Variants in SEC24B observed in about 807,000 individuals in gnomAD.
SEC24B encodes the protein protein transport protein Sec24B.
Under a neutral mutation model 142.8 loss-of-function variants are expected in SEC24B, and 45 were observed. That is an observed-to-expected ratio of 0.32 (90% confidence interval 0.25 to 0.40). SEC24B has a LOEUF of 0.40. SEC24B is among the 10% of genes least tolerant of loss of function. The pLI is 1.00. For missense variants in SEC24B, 1,409 were observed against 1,526.8 expected, an observed-to-expected ratio of 0.92 and a Z score of 1.29; for synonymous variants, 574 against 568.2, an observed-to-expected ratio of 1.01 and a Z score of -0.15.
chr4:109,460,613 A>G (rs1731151616), intron 1 of SEC24B, among the ~76,000 whole-genome samples: 1 of 152,020 alleles, frequency 6.6e-6, no homozygotes, highest in African/African-American at 2.4e-5. Flanking sequence ...CGGCCCATTT[A>G]GTTCCTAAGC....
chr4:109,443,906 G>A (rs555018416), intron 1 of SEC24B, among the ~76,000 whole-genome samples: 5 of 152,266 alleles, frequency 3.3e-5, no homozygotes, highest in Non-Finnish European at 7.4e-5. Flanking sequence ...CAGTGCAGGG[G>A]TACAAGGGAG....
chr4:109,537,756 T>A (rs1002396929), intron 22 of SEC24B, among the ~76,000 whole-genome samples: 8 of 152,194 alleles, frequency 5.3e-5, no homozygotes, highest in African/African-American at 1.7e-4. Flanking sequence ...TAGTAATAAT[T>A]TAGAAAACAT....
At chr4:109,518,952 G>A (rs950267080) in intron 11 of SEC24B, among the ~76,000 whole-genome samples, 5 of 151,920 alleles carry the variant, frequency 3.3e-5, no homozygotes, top group South Asian at 2.1e-4. Flanking sequence ...GACTACAAGC[G>A]CACACCATCA....
chr4:109,465,819 T>C (rs1731797523), intron 2 of SEC24B, among the ~76,000 whole-genome samples: 1 of 152,192 alleles, frequency 6.6e-6, no homozygotes, highest in African/African-American at 2.4e-5. Flanking sequence ...TATTCTCTGT[T>C]TGAGTAACTG....
At chr4:109,500,476 A>G (rs543791615) in intron 6 of SEC24B, among the ~76,000 whole-genome samples, 5 of 150,574 alleles carry the variant, frequency 3.3e-5, no homozygotes, top group South Asian at 4.3e-4. Context: ...CCCAGGAGGC[A>G]GAGGTTGCAG....
intron 1 of SEC24B, among the ~76,000 whole-genome samples, chr4:109,441,259 C>T (rs1728902234): frequency 6.6e-6 from 1 of 152,170 alleles, no homozygotes; most frequent in Non-Finnish European, 1.5e-5. Context: ...GGCTTCTTTG[C>T]TCCTTACCAA....
At chr4:109,474,729 T>C (rs1030900763) in intron 3 of SEC24B, among the ~76,000 whole-genome samples, 1 of 152,168 alleles carries the variant, frequency 6.6e-6, no homozygotes, top group African/African-American at 2.4e-5. Flanking sequence ...CCAGCCCCTA[T>C]CATATTTTCT....
At chr4:109,456,871 G>C (rs963048086) in intron 1 of SEC24B, among the ~76,000 whole-genome samples, 2 of 152,186 alleles carry the variant, frequency 1.3e-5, no homozygotes, top group Non-Finnish European at 2.9e-5. Flanking sequence ...TTATACTTCA[G>C]TGTGCAATAA....
chr4:109,461,694 A>G (rs111433603), intron 1 of SEC24B, among the ~76,000 whole-genome samples: 72 of 152,376 alleles, frequency 4.7e-4, no homozygotes, highest in African/African-American at 1.7e-3. Flanking sequence ...AACTGTAACT[A>G]TATCTGGGAA....
At chr4:109,529,162 C>T (rs1319633615) in intron 18 of SEC24B, among the ~76,000 whole-genome samples, 2 of 150,960 alleles carry the variant, frequency 1.3e-5, no homozygotes, top group African/African-American at 4.9e-5. Flanking sequence ...GACTCTGTCT[C>T]GGGGGTGGGG....
chr4:109,486,228 A>G (rs939365355), intron 4 of SEC24B, among the ~76,000 whole-genome samples: 1 of 152,230 alleles, frequency 6.6e-6, no homozygotes, highest in African/African-American at 2.4e-5. Flanking sequence ...CAGAGATGTC[A>G]GGTGTCCATT....
chr4:109,465,447 C>T (rs1013665564), intron 2 of SEC24B, among the ~76,000 whole-genome samples: 1 of 150,672 alleles, frequency 6.6e-6, no homozygotes, highest in Non-Finnish European at 1.5e-5. Context: ...AGTTGAATTG[C>T]CTGTGGTCAT....
chr4:109,531,823 A>G (rs1724960203), intron 20 of SEC24B, among the ~76,000 whole-genome samples: 2 of 152,102 alleles, frequency 1.3e-5, no homozygotes, highest in South Asian at 4.1e-4. Context: ...TTCCATTTAT[A>G]TTTTGTAGAT....
rs1384525702 is a variant in SEC24B at position 109,539,733 on chromosome 4, A to G, written c.*58A>G. On this transcript the variant is annotated 3_prime_UTR_variant, in exon 24 of 24. Coordinates refer to ENST00000265175, the MANE Select transcript of SEC24B (RefSeq NM_006323.5). ...TAACCTAGGTAAAGCATAATCTGTC[A>G]GAGAAGCGCGTGAGAAATTTGAAAT... 8.8e-7 allele frequency: 1 copy of G among 1,132,376 alleles called. No homozygotes were observed. Among genetic ancestry groups the G allele is most frequent in the African/African-American group, 1.6e-5 (1 of 64,344 alleles). 70.1% of individuals were successfully genotyped at this position (1,132,376 alleles called of 1,614,324 possible).
intron 11 of SEC24B, among the ~76,000 whole-genome samples, chr4:109,518,150 G>T (rs1723180660): frequency 6.6e-6 from 1 of 151,940 alleles, no homozygotes; most frequent in African/African-American, 2.4e-5. Flanking sequence ...TGAGCATTTT[G>T]TCACATTAGT....
intron 17 of SEC24B, 135 bp downstream of exon 17, chr4:109,526,534 T>C (rs942516809): frequency 8.7e-6 from 5 of 572,196 alleles, no homozygotes; most frequent in African/African-American, 1.9e-5. Flanking sequence ...ATCAAACATA[T>C]GTTGTTATTT....
chr4:109,525,499 C>A lies in SEC24B; in HGVS notation c.2786C>A (p.Thr929Asn). The A allele has an allele frequency of 6.3e-7, 1 of 1,597,224 alleles. No individual in the cohort carries two copies. The highest frequency in any genetic ancestry group is 8.5e-7 in the Non-Finnish European group (1 of 1,172,780). Residue 929 changes from threonine to asparagine, a missense_variant, in exon 16 of 24, where the codon ACT becomes AAT. Thr to Asn is a moderately conservative substitution (Grantham distance 65). Around this residue, in one of 2 missense-constraint regions of SEC24B, gnomAD observed 700 missense variants for 853.3 expected, o/e 0.82. Transcript: ENST00000265175. Reference sequence around the variant, plus strand: ...GAAGCTGTTATGAGAATAAGGTGTACTAAAGGTATGAAGTTGTAAAAGTTA... The same window carrying A: ...GAAGCTGTTATGAGAATAAGGTGTAATAAAGGTATGAAGTTGTAAAAGTTA... ...GFEAVMRIRCTKGLSMHTFHG... is the reference protein window; with the variant it reads ...GFEAVMRIRCNKGLSMHTFHG...
At chr4:109,521,703 A>G (rs1561172577) in intron 14 of SEC24B, 77 bp downstream of exon 14, 1 of 1,117,538 alleles carries the variant, frequency 8.9e-7, no homozygotes. Flanking sequence ...ATAATAAAAT[A>G]CTGGCAAGAG....
intron 1 of SEC24B, chr4:109,449,426 T>A: frequency 2.4e-6 from 1 of 408,272 alleles, no homozygotes; most frequent in South Asian, 1.7e-5. Context: ...GAGACGGGAT[T>A]TCACCATGTT....
Sources: allele counts gnomAD v4.1 joint callset (sites outside exome capture counted in the v4.1 genomes callset), GRCh38; gene constraint gnomAD v4.1.1; regional missense constraint gnomAD v4.1.1; transcripts MANE v1.5; gene names NCBI Gene and HGNC (gene_info 2026-07-23, HGNC 2026-07-21).